Variants in SLC15A5 observed in about 807,000 individuals in gnomAD.
SLC15A5 encodes the protein solute carrier family 15 member 5.
SLC15A5 carries 58 observed loss-of-function variants against 56.1 expected under a neutral mutation model. That is an observed-to-expected ratio of 1.03 (90% CI 0.84 to 1.29). The LOEUF (loss-of-function observed/expected upper bound fraction) is 1.29. SLC15A5 is among the 50% of genes most tolerant of loss of function. The pLI is 0.00. For missense variants in SLC15A5, 681 were observed against 672.1 expected (o/e 1.01, Z -0.15); for synonymous variants, 264 against 250.5 (o/e 1.05, Z -0.51).
At chr12:16,224,634 T>C in intron 5 of SLC15A5, 32 bp from the exon 6 acceptor site, 1 of 1,510,828 alleles carries the variant, frequency 6.6e-7, no homozygotes, top group African/African-American at 1.4e-5. Flanking sequence ...GAAAAAAAAG[T>C]TAAACGAAGA....
intron 5 of SLC15A5, among the ~76,000 whole-genome samples, chr12:16,236,209 A>C (rs1864350507): frequency 6.6e-6 from 1 of 152,174 alleles, no homozygotes; most frequent in African/African-American, 2.4e-5. Flanking sequence ...AAGGAAAGGA[A>C]ATACTCATAG....
intron 5 of SLC15A5, among the ~76,000 whole-genome samples, chr12:16,231,079 A>G (rs1311665309): frequency 6.6e-6 from 1 of 152,194 alleles, no homozygotes; most frequent in African/African-American, 2.4e-5. Context: ...AAAAATTCTC[A>G]AGTATCTTTT....
intron 2 of SLC15A5, among the ~76,000 whole-genome samples, chr12:16,262,126 C>G (rs968124686): frequency 6.6e-6 from 1 of 152,194 alleles, no homozygotes; most frequent in African/African-American, 2.4e-5. Context: ...ACTGAAATGA[C>G]TCATCCAAAT....
chr12:16,243,473 T>C lies in SLC15A5; in HGVS notation c.975+1107A>G, dbSNP rs1295323273. ...ATCTGCCTGCCTCGGCCTCCCAAAG[T>C]GCTGGGATTACAGGTGTAAGCCACC... is the stretch of plus-strand genomic sequence containing the variant. On this transcript the variant is annotated intron_variant, in intron 4 of 8. Transcript: ENST00000344941. This position sits in a 1 kb window ranked among gnomAD's most constrained non-coding sequence, Gnocchi z 4.4. Among the ~76,000 whole-genome samples the C allele has an allele frequency of 6.6e-6, 1 of 152,176 alleles. No homozygotes were observed. Among genetic ancestry groups the C allele is most frequent in the African/African-American group, 2.4e-5 (1 of 41,450 alleles).
chr12:16,221,647 AGG>A (rs1260826553), intron 6 of SLC15A5, among the ~76,000 whole-genome samples: 1 of 152,186 alleles, frequency 6.6e-6, no homozygotes, highest in Non-Finnish European at 1.5e-5. Flanking sequence ...AATTTCAATC[AGG>A]GGAATGATAG....
At position 16,189,486 on chromosome 12, in the gene SLC15A5, T is replaced by C. The variant is rs1863819571; in HGVS notation, c.*182A>G. 1 of 436,976 alleles carries C rather than the reference T, an allele frequency of 2.3e-6. No individual in the cohort carries two copies. The highest frequency in any genetic ancestry group is 3.8e-6 in the Non-Finnish European group (1 of 264,042). The allele number at this position is 436,976 out of a possible 1,614,324, so 27.1% of individuals were successfully genotyped here. ...TAATTCTAATGCTATAACATGTTAATGCAAAAGCATGACAGTTTACTAGAA... is the reference window on the plus strand; with the variant it reads ...TAATTCTAATGCTATAACATGTTAACGCAAAAGCATGACAGTTTACTAGAA... On this transcript the variant is annotated 3_prime_UTR_variant, in exon 9 of 9. Transcript: ENST00000344941.
intron 7 of SLC15A5, among the ~76,000 whole-genome samples, chr12:16,208,501 A>T (rs1864043622): frequency 6.6e-6 from 1 of 152,122 alleles, no homozygotes; most frequent in African/African-American, 2.4e-5. Flanking sequence ...TGAGACCCAC[A>T]TCTCTAAAAC....
intron 7 of SLC15A5, among the ~76,000 whole-genome samples, chr12:16,200,858 T>C (rs963918487): frequency 6.6e-6 from 1 of 151,834 alleles, no homozygotes; most frequent in Non-Finnish European, 1.5e-5. Flanking sequence ...ATAAAACAAA[T>C]CTAAGGAAAG....
intron 3 of SLC15A5, among the ~76,000 whole-genome samples, chr12:16,252,655 T>G (rs1249267275): frequency 6.6e-6 from 1 of 152,024 alleles, no homozygotes. Context: ...AATTGAAGAA[T>G]ATACAAATAA....
At position 16,235,328 on chromosome 12, in the gene SLC15A5, A is replaced by G. The variant is rs1864342529; in HGVS notation, c.1162+4353T>C. 6.7e-6 allele frequency among the ~76,000 whole-genome samples: 1 copy of G among 149,934 alleles called. No homozygotes were observed. The highest frequency in any genetic ancestry group is 2.1e-4 in the South Asian group (1 of 4,806). ...TATATATATGTATATATGTATATGT[A>G]TATGTACATATATATGACCTTCTAT... On this transcript the variant is annotated intron_variant, in intron 5 of 8. Coordinates refer to ENST00000344941, the MANE Select transcript of SLC15A5 (RefSeq NM_001170798.1). The surrounding 1 kb of genome is among the most constrained non-coding windows in gnomAD (Gnocchi z 4.1).
chr12:16,238,467 A>G (rs1012177018), intron 5 of SLC15A5, among the ~76,000 whole-genome samples: 1 of 151,780 alleles, frequency 6.6e-6, no homozygotes, highest in African/African-American at 2.4e-5. Context: ...CTCTACTAAA[A>G]ATGCAAAAAA....
intron 3 of SLC15A5, among the ~76,000 whole-genome samples, chr12:16,248,713 C>A (rs889665639): frequency 6.6e-6 from 1 of 152,048 alleles, no homozygotes; most frequent in African/African-American, 2.4e-5. Context: ...AGAAAACTCA[C>A]GCCTTCTATG....
intron 2 of SLC15A5, among the ~76,000 whole-genome samples, chr12:16,272,287 C>T (rs1037523485): frequency 5.3e-4 from 81 of 152,194 alleles, no homozygotes; most frequent in African/African-American, 1.8e-3. Flanking sequence ...GTTCCAAAGC[C>T]ACATTCTATT....
intron 1 of SLC15A5, 53 bp from the exon 2 acceptor site, chr12:16,272,836 C>T (rs1340364964): frequency 4.2e-6 from 6 of 1,430,430 alleles, no homozygotes; most frequent in Non-Finnish European, 5.7e-6. Context: ...AGTGGATCAC[C>T]AAATCACATT....
intron 4 of SLC15A5, among the ~76,000 whole-genome samples, chr12:16,242,855 G>GT: frequency 6.6e-6 from 1 of 152,258 alleles, no homozygotes; most frequent in East Asian, 1.9e-4. Context: ...ATTTTGTACT[G>GT]TTTATCGGTT....
chr12:16,251,453 A>C (rs1032149117), intron 3 of SLC15A5, among the ~76,000 whole-genome samples: 7 of 151,856 alleles, frequency 4.6e-5, no homozygotes, highest in Non-Finnish European at 4.4e-5. Flanking sequence ...ACTAAGAAAA[A>C]TAGAGGAAAG....
chr12:16,238,629 CAAAAAAAAAA>C (rs36053667), intron 5 of SLC15A5, among the ~76,000 whole-genome samples: 3 of 116,084 alleles, frequency 2.6e-5, no homozygotes. Context: ...GACTCCGTCT[CAAAAAAAAAA>C]AAAAAAAATA....
At chr12:16,241,181 T>C (rs920028644) in intron 4 of SLC15A5, among the ~76,000 whole-genome samples, 3 of 152,182 alleles carry the variant, frequency 2.0e-5, no homozygotes, top group African/African-American at 7.2e-5. Context: ...TTGAGTGTCA[T>C]AGACAGAAAG....
Position 16,235,374 on chromosome 12 carries a change from A to G in SLC15A5, c.1162+4307T>C, listed in dbSNP as rs1864343271. Among the ~76,000 whole-genome samples the G allele has an allele frequency of 3.3e-5, 5 of 151,340 alleles. No homozygotes were observed. The highest frequency in any genetic ancestry group is 2.6e-4 in the Admixed American group (4 of 15,160). ...TCTATCTTTTGTTTCTCTGTAGACC[A>G]TTGGAATTCATTTCAGAAGACCCAG... On this transcript the variant is annotated intron_variant, in intron 5 of 8. Coordinates refer to ENST00000344941, the MANE Select transcript of SLC15A5 (RefSeq NM_001170798.1). This position sits in a 1 kb window ranked among gnomAD's most constrained non-coding sequence, Gnocchi z 4.1.
Sources: gnomAD v4.1 joint callset for allele counts (sites outside exome capture counted in the v4.1 genomes callset) on GRCh38, gnomAD v4.1.1 for gene constraint, Gnocchi (gnomAD v3.1) non-coding constraint, MANE v1.5 for transcripts, NCBI Gene and HGNC (gene_info 2026-07-23, HGNC 2026-07-21) for gene names.